MAPKAP1: variants seen among roughly 807,000 people sequenced by gnomAD.
MAPKAP1 encodes the protein MAPK associated protein 1, also known as target of rapamycin complex 2 subunit MAPKAP1.
In MAPKAP1, 20 loss-of-function variants were observed where a neutral mutation model predicts 65.7. That is an observed-to-expected ratio of 0.30 (90% CI 0.21 to 0.44). MAPKAP1 has a LOEUF of 0.44. MAPKAP1 is among the 20% of genes least tolerant of loss of function. The probability of loss-of-function intolerance (pLI) is 1.00; values close to 1 mark genes in which losing one functional copy is unlikely to be tolerated. For missense variants in MAPKAP1, 423 were observed against 648.0 expected, an observed-to-expected ratio of 0.65 and a Z score of 3.77; for synonymous variants, 222 against 244.3, an observed-to-expected ratio of 0.91 and a Z score of 0.85.
At position 125,438,560 on chromosome 9, in the gene MAPKAP1, T is replaced by C. The variant is rs116845730; in HGVS notation, c.*327A>G. On this transcript the variant is annotated 3_prime_UTR_variant, in exon 12 of 12. Transcript: ENST00000265960. ...GAAATTTGATCAAGTTGCAAGGAAA[T>C]GTGTGGGCACGGCTCTGTACATCCT... 3.0e-4 allele frequency: 125 copies of C among 411,474 alleles called. No individual in the cohort carries two copies. The highest frequency in any genetic ancestry group is 4.3e-4 in the Non-Finnish European group (101 of 234,188). The allele number at this position is 411,474 out of a possible 1,614,324, so 25.5% of individuals were successfully genotyped here.
intron 8 of MAPKAP1, among the ~76,000 whole-genome samples, chr9:125,496,200 G>C (rs184882654): frequency 1.3e-5 from 2 of 152,310 alleles, no homozygotes; most frequent in African/African-American, 2.4e-5. Flanking sequence ...ACATTAACCA[G>C]AGAGGAAGAC....
At chr9:125,703,971 TC>T (rs1294089437) in intron 1 of MAPKAP1, among the ~76,000 whole-genome samples, 4 of 151,544 alleles carry the variant, frequency 2.6e-5, no homozygotes, top group Non-Finnish European at 4.4e-5. Context: ...CAAAACAAGC[TC>T]CCCCACCAAA....
chr9:125,592,098 G>C (rs1831982907), intron 4 of MAPKAP1, among the ~76,000 whole-genome samples: 1 of 152,140 alleles, frequency 6.6e-6, no homozygotes, highest in Admixed American at 6.5e-5. Context: ...ATGATGCTGG[G>C]CTCCGAAGAC....
At chr9:125,648,783 A>G (rs1367447546) in intron 4 of MAPKAP1, among the ~76,000 whole-genome samples, 1 of 152,132 alleles carries the variant, frequency 6.6e-6, no homozygotes, top group Non-Finnish European at 1.5e-5. Context: ...TCTAGAAAGA[A>G]TACAAAAATT....
intron 1 of MAPKAP1, among the ~76,000 whole-genome samples, chr9:125,685,290 C>G (rs1588073300): frequency 6.6e-6 from 1 of 152,278 alleles, no homozygotes; most frequent in East Asian, 1.9e-4. Flanking sequence ...ATGAAATAGT[C>G]AAGGAATGCC....
intron 4 of MAPKAP1, chr9:125,596,365 G>A (rs1403978601): frequency 6.9e-5 from 55 of 793,240 alleles, no homozygotes; most frequent in Non-Finnish European, 1.1e-4. Flanking sequence ...AACCATGGTG[G>A]TGGTGGATAT....
At chr9:125,588,908 C>T (rs556126914) in intron 4 of MAPKAP1, among the ~76,000 whole-genome samples, 2 of 152,286 alleles carry the variant, frequency 1.3e-5, no homozygotes, top group East Asian at 1.9e-4. Context: ...TCGGCTATAC[C>T]GGCCTTCTGG....
intron 8 of MAPKAP1, among the ~76,000 whole-genome samples, chr9:125,502,321 C>T (rs973120256): frequency 3.3e-5 from 5 of 152,030 alleles, no homozygotes; most frequent in African/African-American, 1.2e-4. Flanking sequence ...AGGCTGGTCT[C>T]GAACTCCTGA....
intron 10 of MAPKAP1, among the ~76,000 whole-genome samples, chr9:125,460,828 T>C (rs969377589): frequency 6.6e-6 from 1 of 152,218 alleles, no homozygotes; most frequent in Admixed American, 6.5e-5. Context: ...TGCTCTTGGC[T>C]GATTCCAAAT....
intron 7 of MAPKAP1, among the ~76,000 whole-genome samples, chr9:125,511,153 TATCATCATCACCATCATCATC>T (rs1829286907): frequency 7.1e-6 from 1 of 141,332 alleles, no homozygotes; most frequent in Non-Finnish European, 1.5e-5. Flanking sequence ...AAGTATCAGC[TATCATCATCACCATCATCATC>T]ATCATCATCA....
At chr9:125,677,172 C>T (rs1834670499) in intron 1 of MAPKAP1, among the ~76,000 whole-genome samples, 1 of 152,178 alleles carries the variant, frequency 6.6e-6, no homozygotes, top group Non-Finnish European at 1.5e-5. Flanking sequence ...GGTGCAGTGG[C>T]TCACACCTGT....
intron 7 of MAPKAP1, among the ~76,000 whole-genome samples, chr9:125,528,906 T>C (rs1298952307): frequency 6.8e-6 from 1 of 147,322 alleles, no homozygotes; most frequent in Non-Finnish European, 1.5e-5. Context: ...GGCTCACGCC[T>C]GTGATCCCAG....
intron 6 of MAPKAP1, among the ~76,000 whole-genome samples, chr9:125,555,127 G>A (rs1830700535): frequency 6.6e-6 from 1 of 152,120 alleles, no homozygotes; most frequent in African/African-American, 2.4e-5. Flanking sequence ...TTTAGGTTGT[G>A]TAAAAACACT....
chr9:125,677,673 G>A (rs1437961521), intron 1 of MAPKAP1, among the ~76,000 whole-genome samples: 1 of 152,070 alleles, frequency 6.6e-6, no homozygotes, highest in African/African-American at 2.4e-5. Flanking sequence ...CAGCTTGGGC[G>A]AGAGAGCAAG....
chr9:125,539,969 T>A (rs1251392107), intron 7 of MAPKAP1, among the ~76,000 whole-genome samples: 1 of 152,216 alleles, frequency 6.6e-6, no homozygotes, highest in Non-Finnish European at 1.5e-5. Context: ...TACTATAGTA[T>A]ATTCTTTTCA....
At chr9:125,683,946 C>A (rs914222071) in intron 1 of MAPKAP1, among the ~76,000 whole-genome samples, 3 of 152,180 alleles carry the variant, frequency 2.0e-5, no homozygotes, top group Non-Finnish European at 2.9e-5. Context: ...TAATGATACT[C>A]CTTTATTTCA....
chr9:125,440,804 C>T (rs565126595), intron 11 of MAPKAP1, among the ~76,000 whole-genome samples: 4 of 152,220 alleles, frequency 2.6e-5, no homozygotes, highest in African/African-American at 9.7e-5. Flanking sequence ...TGGGACAATA[C>T]AGTGTATGGA....
intron 7 of MAPKAP1, 69 bp from the exon 8 acceptor site, chr9:125,506,486 C>T: frequency 1.6e-6 from 2 of 1,255,876 alleles, no homozygotes; most frequent in Non-Finnish European, 2.3e-6. Context: ...TAAAAAACAC[C>T]ACATACTGGT....
intron 5 of MAPKAP1, among the ~76,000 whole-genome samples, chr9:125,573,786 C>T (rs1483857752): frequency 6.6e-6 from 1 of 152,188 alleles, no homozygotes; most frequent in Non-Finnish European, 1.5e-5. Flanking sequence ...TGGGACCCTC[C>T]CCTGCCCCAA....
Sources: gnomAD v4.1 joint callset for allele counts (sites outside exome capture counted in the v4.1 genomes callset) on GRCh38, gnomAD v4.1.1 for gene constraint, MANE v1.5 for transcripts, NCBI Gene and HGNC (gene_info 2026-07-23, HGNC 2026-07-21) for gene names.